The following GRID1 variants were observed in gnomAD, a reference collection of about 807,000 sequenced individuals.
GRID1 encodes the protein glutamate ionotropic receptor delta type subunit 1.
GRID1 carries 28 observed loss-of-function variants against 98.0 expected under a neutral mutation model. The ratio of observed to expected loss-of-function variants is 0.29; its 90% CI spans 0.21 to 0.39. The LOEUF is 0.39. Ranked by LOEUF, GRID1 falls within the 10% of genes least tolerant of loss-of-function variation. The pLI, the probability that GRID1 is intolerant of heterozygous loss-of-function variation, is 1.00. For missense variants in GRID1, 1,111 were observed against 1,340.5 expected (o/e 0.83, Z 2.67); for synonymous variants, 553 against 538.5 (o/e 1.03, Z -0.37).
chr10:85,730,963 AC>A (rs950195646), intron 8 of GRID1, among the ~76,000 whole-genome samples: 2 of 151,936 alleles, frequency 1.3e-5, no homozygotes, highest in African/African-American at 4.8e-5. Flanking sequence ...AATCCATAAG[AC>A]CCCCTAGTTA....
rs1841227765 is a variant in GRID1 at position 85,682,982 on chromosome 10, C to T, written c.1998-35585G>A. On this transcript the variant is annotated intron_variant, in intron 12 of 15. Transcript: ENST00000327946. ...ACTTTCCAAGGATGTGAAGAACATC[C>T]TACATTTCTACTTTTGTTGTTGTTG... Among the ~76,000 whole-genome samples, 4 of 152,206 alleles carry T rather than the reference C, an allele frequency of 2.6e-5. 1 individual carries two copies. The South Asian group carries it at 8.3e-4, about 32-fold the overall frequency.
intron 4 of GRID1, among the ~76,000 whole-genome samples, chr10:85,917,122 G>A (rs1057329663): frequency 1.3e-5 from 2 of 152,190 alleles, no homozygotes; most frequent in Non-Finnish European, 2.9e-5. Context: ...CAGATTGGAA[G>A]AATTGGAAGA....
At chr10:85,678,264 C>CT (rs1424335413) in intron 12 of GRID1, among the ~76,000 whole-genome samples, 1 of 152,156 alleles carries the variant, frequency 6.6e-6, no homozygotes, top group Non-Finnish European at 1.5e-5. Context: ...GAGAAAACCT[C>CT]AACTGGGATG....
chr10:86,103,578 G>T (rs1220317433), intron 4 of GRID1, among the ~76,000 whole-genome samples: 1 of 152,224 alleles, frequency 6.6e-6, no homozygotes, highest in Non-Finnish European at 1.5e-5. Context: ...CTGCAGACAG[G>T]CCCCGGAGGA....
At chr10:85,634,038 G>T (rs997460314) in intron 13 of GRID1, among the ~76,000 whole-genome samples, 2 of 152,058 alleles carry the variant, frequency 1.3e-5, no homozygotes, top group South Asian at 2.1e-4. Flanking sequence ...AGGCGTGGTG[G>T]TGCATGCCTA....
At chr10:85,770,700 C>T (rs558951430) in intron 8 of GRID1, among the ~76,000 whole-genome samples, 184 of 152,064 alleles carry the variant, frequency 1.2e-3, no homozygotes, top group Non-Finnish European at 1.6e-3. Flanking sequence ...GGAGCCGATG[C>T]GATCAACTAG....
At chr10:85,945,002 G>T (rs1252158828) in intron 4 of GRID1, among the ~76,000 whole-genome samples, 1 of 152,238 alleles carries the variant, frequency 6.6e-6, no homozygotes, top group East Asian at 1.9e-4. Context: ...GGGTACCCCA[G>T]CAGACTATAG....
chr10:86,028,270 G>A (rs1200861860), intron 4 of GRID1, among the ~76,000 whole-genome samples: 4 of 152,306 alleles, frequency 2.6e-5, no homozygotes, highest in Non-Finnish European at 1.5e-5. Context: ...AGTAATCAAA[G>A]CTTCCATCTT....
chr10:85,617,748 T>C (rs573870896), intron 14 of GRID1, among the ~76,000 whole-genome samples: 3 of 152,198 alleles, frequency 2.0e-5, no homozygotes, highest in Non-Finnish European at 4.4e-5. Context: ...CAAAATGACA[T>C]GGAAACTGGA....
chr10:86,042,809 G>T (rs1188097669), intron 4 of GRID1, among the ~76,000 whole-genome samples: 2 of 152,086 alleles, frequency 1.3e-5, no homozygotes, highest in African/African-American at 4.8e-5. Context: ...TTCTAGCCTG[G>T]GCACAGTGGC....
chr10:86,080,026 C>T (rs774066847), intron 4 of GRID1, among the ~76,000 whole-genome samples: 2 of 152,038 alleles, frequency 1.3e-5, no homozygotes. Context: ...CCACCATGGC[C>T]GAAGGCTGTT....
chr10:86,124,761 C>T (rs762705442), intron 4 of GRID1, among the ~76,000 whole-genome samples: 6 of 152,124 alleles, frequency 3.9e-5, no homozygotes, highest in Admixed American at 6.5e-5. Context: ...CAATTAATAT[C>T]GAATCCATTT....
chr10:86,235,250 G>A (rs1200586072), intron 2 of GRID1, among the ~76,000 whole-genome samples: 2 of 152,172 alleles, frequency 1.3e-5, no homozygotes, highest in Non-Finnish European at 2.9e-5. Context: ...GAGGGCAGAG[G>A]TCTCTCAACT....
intron 4 of GRID1, among the ~76,000 whole-genome samples, chr10:85,940,583 A>AT (rs1448447463): frequency 6.6e-6 from 1 of 152,194 alleles, no homozygotes; most frequent in Non-Finnish European, 1.5e-5. Flanking sequence ...CTATGGAATG[A>AT]TTTATCTGAA....
At chr10:85,974,571 T>C (rs982956746) in intron 4 of GRID1, among the ~76,000 whole-genome samples, 2 of 152,326 alleles carry the variant, frequency 1.3e-5, no homozygotes, top group East Asian at 3.9e-4. Flanking sequence ...TGGAGATATT[T>C]GGGATCCTCA....
intron 4 of GRID1, among the ~76,000 whole-genome samples, chr10:85,917,648 G>C (rs114926324): frequency 6.6e-6 from 1 of 152,168 alleles, no homozygotes; most frequent in African/African-American, 2.4e-5. Flanking sequence ...CTGTGCCAAC[G>C]ACCCCACAAA....
At chr10:85,717,537 C>T (rs151091039) in intron 12 of GRID1, among the ~76,000 whole-genome samples, 5 of 152,240 alleles carry the variant, frequency 3.3e-5, no homozygotes, top group African/African-American at 1.2e-4. Context: ...ATTCAATTAC[C>T]TCTCCCTGGA....
intron 2 of GRID1, among the ~76,000 whole-genome samples, chr10:86,337,698 CTTTTTTTTTTTTTT>C (rs57891044): frequency 1.4e-5 from 1 of 73,282 alleles, no homozygotes; most frequent in Admixed American, 2.0e-4. Flanking sequence ...CCTTTGGGAA[CTTTTTTTTTTTTTT>C]TTTTTTTTTT....
chr10:85,947,634 C>T (rs995238538), intron 4 of GRID1, among the ~76,000 whole-genome samples: 1 of 152,070 alleles, frequency 6.6e-6, no homozygotes, highest in Non-Finnish European at 1.5e-5. Context: ...AGAAGCAGCA[C>T]CTGATGCTTC....
Sources: gnomAD v4.1 joint callset for allele counts (sites outside exome capture counted in the v4.1 genomes callset) on GRCh38, gnomAD v4.1.1 for gene constraint, MANE v1.5 for transcripts, NCBI Gene and HGNC (gene_info 2026-07-23, HGNC 2026-07-21) for gene names.